CIDEA: variants seen among roughly 807,000 people sequenced by gnomAD.
CIDEA encodes the protein cell death inducing DFFA like effector a, also known as lipid transferase CIDEA.
Under a neutral mutation model 18.2 loss-of-function variants are expected in CIDEA, and 10 were observed. The observed-to-expected ratio is 0.55, with a 90% CI of 0.34 to 0.93. CIDEA has a LOEUF of 0.93. Among genes scored for constraint, CIDEA ranks in the 40% least tolerant of loss-of-function variants. The probability of loss-of-function intolerance (pLI) is 0.02; values close to 1 mark genes in which losing one functional copy is unlikely to be tolerated. For missense variants in CIDEA, 309 were observed against 293.1 expected (o/e 1.05, Z -0.40); for synonymous variants, 128 against 124.8 (o/e 1.03, Z -0.17).
At chr18:12,277,100 C>T (rs1310461016) in intron 4 of CIDEA, 23 bp from the exon 5 acceptor site, 2 of 1,612,430 alleles carry the variant, frequency 1.2e-6, no homozygotes, top group Middle Eastern at 1.7e-4. Flanking sequence ...AAGCTAAAGC[C>T]TCCCCATCTG....
At chr18:12,268,229 CATT>C (rs1270285239) in intron 3 of CIDEA, among the ~76,000 whole-genome samples, 2 of 73,004 alleles carry the variant, frequency 2.7e-5, no homozygotes, top group African/African-American at 5.0e-5. Flanking sequence ...CATGCCCGGC[CATT>C]TTTTTTTTTT....
chr18:12,277,343 C>G lies in CIDEA; in HGVS notation c.*73C>G. 1 of 1,537,312 alleles carries G rather than the reference C, an allele frequency of 6.5e-7. No individual in the cohort carries two copies. The highest frequency in any genetic ancestry group is 8.9e-7 in the Non-Finnish European group (1 of 1,123,020). ...GGCTCAATGACGAATGTTGAAGATG[C>G]TTTTATGTTCTGAGCCACATGCACT... On this transcript the variant is annotated 3_prime_UTR_variant, in exon 5 of 5. Coordinates refer to ENST00000320477, the MANE Select transcript of CIDEA (RefSeq NM_001279.4).
chr18:12,274,396 A>C, intron 4 of CIDEA, 122 bp downstream of exon 4: 1 of 827,664 alleles, frequency 1.2e-6, no homozygotes, highest in South Asian at 1.7e-5. Flanking sequence ...GGGCAGTTGG[A>C]GTAATGTTGT....
chr18:12,277,284 C>A lies in CIDEA; in HGVS notation c.*14C>A. 6.2e-7 allele frequency: 1 copy of A among 1,613,854 alleles called. No homozygotes were observed. Among genetic ancestry groups the A allele is most frequent in the Non-Finnish European group, 8.5e-7 (1 of 1,179,942 alleles). On this transcript the variant is annotated 3_prime_UTR_variant, in exon 5 of 5. Coordinates refer to ENST00000320477, the MANE Select transcript of CIDEA (RefSeq NM_001279.4). ...ACGTGTGGATAGGGATGCAGGCTGTCGCCGGCTCTTGAGCCAAACACTGTG... is the reference window on the plus strand; with the variant it reads ...ACGTGTGGATAGGGATGCAGGCTGTAGCCGGCTCTTGAGCCAAACACTGTG...
At chr18:12,256,905 GCCATGAAC>G (rs1912051428) in intron 1 of CIDEA, among the ~76,000 whole-genome samples, 1 of 152,200 alleles carries the variant, frequency 6.6e-6, no homozygotes, top group African/African-American at 2.4e-5. Flanking sequence ...GAAGAACTGA[GCCATGAAC>G]CAGGCAGTCC....
chr18:12,273,923 G>A (rs1912623127), intron 3 of CIDEA, among the ~76,000 whole-genome samples, 170 bp from the exon 4 acceptor site: 1 of 152,230 alleles, frequency 6.6e-6, no homozygotes, highest in South Asian at 2.1e-4. Context: ...CACAGTCGTA[G>A]TGTGTGCAAA....
At chr18:12,257,894 G>A (rs1598773496) in intron 1 of CIDEA, among the ~76,000 whole-genome samples, 1 of 152,288 alleles carries the variant, frequency 6.6e-6, no homozygotes, top group Admixed American at 6.5e-5. Context: ...GCGGGCTGGA[G>A]GTGACTTGGG....
At chr18:12,264,679 G>A (rs544834962) in intron 3 of CIDEA, among the ~76,000 whole-genome samples, 3,235 of 152,070 alleles carry the variant, frequency 0.021, 36 homozygotes, top group Middle Eastern at 0.034. Flanking sequence ...TCAGCCTCCG[G>A]AGTAGCTGGG....
At chr18:12,265,701 C>G (rs553816441) in intron 3 of CIDEA, among the ~76,000 whole-genome samples, 1 of 152,314 alleles carries the variant, frequency 6.6e-6, no homozygotes, top group South Asian at 2.1e-4. Flanking sequence ...CCCCAGGTAA[C>G]TAGCAGGAGC....
At position 12,277,262 on chromosome 18, in the gene CIDEA, T is replaced by A; in HGVS notation, c.652T>A (p.Cys218Ser). The change falls in exon 5 of 5, where the codon TGT becomes AGT. Residue 218 changes from cysteine to serine, a missense_variant. Transcript: ENST00000320477. The stretch of plus-strand genomic sequence containing the variant: ...GTCACAAGCCAAGGGCAGGTTCACG[T>A]GTGGATAGGGATGCAGGCTGTCGCC... ...LRSQAKGRFTCG is the reference protein window; with the variant it reads ...LRSQAKGRFTSG 1.9e-6 allele frequency: 3 copies of A among 1,613,888 alleles called. No individual in the cohort carries two copies. Among genetic ancestry groups the A allele is most frequent in the Non-Finnish European group, 2.5e-6 (3 of 1,179,956 alleles).
chr18:12,259,734 G>A (rs1256802566), intron 1 of CIDEA, among the ~76,000 whole-genome samples: 4 of 152,062 alleles, frequency 2.6e-5, no homozygotes, highest in Admixed American at 1.3e-4. Context: ...GGTAGCGGGC[G>A]CCTGTAACCC....
intron 2 of CIDEA, among the ~76,000 whole-genome samples, chr18:12,263,421 G>T (rs937153631): frequency 3.9e-5 from 6 of 152,168 alleles, no homozygotes; most frequent in Non-Finnish European, 8.8e-5. Flanking sequence ...AAGAAAGAAG[G>T]AGAAACAGCA....
rs573081691 is a variant in CIDEA, at chr18:12,274,416, A to T, written c.512+142A>T. 25 of 675,240 alleles carry T rather than the reference A, an allele frequency of 3.7e-5. No homozygotes were observed. The African/African-American group carries it at 3.9e-4, about 11-fold the overall frequency. The allele number at this position is 675,240 out of a possible 1,614,324, so 41.8% of individuals were successfully genotyped here. A position where few individuals can be genotyped will look rare whatever the true frequency, so the allele number is the denominator to read the frequency against. On this transcript the variant is annotated intron_variant, in intron 4 of 4. Coordinates refer to ENST00000320477, the MANE Select transcript of CIDEA (RefSeq NM_001279.4). Reference sequence around the variant, plus strand: ...GTTGGAGTAATGTTGTCTGGAGGTCAACTCTTATCCCACAGGCTCATCTCA... The same window carrying T: ...GTTGGAGTAATGTTGTCTGGAGGTCTACTCTTATCCCACAGGCTCATCTCA...
At chr18:12,273,223 G>T (rs1912600707) in intron 3 of CIDEA, among the ~76,000 whole-genome samples, 1 of 152,188 alleles carries the variant, frequency 6.6e-6, no homozygotes, top group Admixed American at 6.5e-5. Context: ...TCCCATTCAT[G>T]AGGTCACTGT....
At chr18:12,268,303 C>T (rs1309055483) in intron 3 of CIDEA, among the ~76,000 whole-genome samples, 1 of 135,168 alleles carries the variant, frequency 7.4e-6, no homozygotes, top group African/African-American at 2.7e-5. Flanking sequence ...TGGTCTCGAA[C>T]TCCTGACCTC....
At chr18:12,269,912 A>G (rs1401769204) in intron 3 of CIDEA, among the ~76,000 whole-genome samples, 1 of 152,034 alleles carries the variant, frequency 6.6e-6, no homozygotes. Context: ...TGCCCAGGCT[A>G]ATCTTGAACT....
chr18:12,269,613 G>T (rs1427168887), intron 3 of CIDEA, among the ~76,000 whole-genome samples: 1 of 152,200 alleles, frequency 6.6e-6, no homozygotes, highest in Non-Finnish European at 1.5e-5. Flanking sequence ...AGTTATGCAG[G>T]TTTTCCAAAT....
chr18:12,274,302 G>A lies in CIDEA; in HGVS notation c.512+28G>A, dbSNP rs749478559. The A allele has an allele frequency of 2.5e-6, 4 of 1,610,406 alleles. No individual in the cohort carries two copies. The South Asian group carries it at 4.4e-5, about 18-fold the overall frequency. ...AACACACTCCAGGGGTCACCTCCGG[G>A]GGTCTGCAGACTGCACAGGGTGTGG... On this transcript the variant is annotated intron_variant, in intron 4 of 4. Coordinates refer to ENST00000320477, the MANE Select transcript of CIDEA (RefSeq NM_001279.4).
chr18:12,262,538 C>A (rs930539523), intron 1 of CIDEA, among the ~76,000 whole-genome samples: 2 of 152,136 alleles, frequency 1.3e-5, no homozygotes, highest in Admixed American at 1.3e-4. Flanking sequence ...ATTCTTATTT[C>A]TTGTTTGAGT....
Sources: gnomAD v4.1 joint callset for allele counts (sites outside exome capture counted in the v4.1 genomes callset) on GRCh38, gnomAD v4.1.1 for gene constraint, MANE v1.5 for transcripts, NCBI Gene and HGNC (gene_info 2026-07-23, HGNC 2026-07-21) for gene names.